The following NRXN3 variants were observed in gnomAD, a reference collection of about 807,000 sequenced individuals.
The protein encoded by NRXN3 is neurexin 3.
In NRXN3, 32 loss-of-function variants were observed where a neutral mutation model predicts 137.6. The observed-to-expected ratio is 0.23, with a 90% CI of 0.18 to 0.31. NRXN3 has a LOEUF of 0.31. NRXN3 is among the 10% of genes least tolerant of loss of function. NRXN3 has a pLI of 1.00. For synonymous variants in NRXN3, 798 were observed against 784.5 expected, an observed-to-expected ratio of 1.02 and a Z score of -0.29; for missense variants, 1,574 against 2,062.5, an observed-to-expected ratio of 0.76 and a Z score of 4.59.
Position 79,438,845 on chromosome 14 carries a change from G to C in NRXN3, c.3263-28376G>C, listed in dbSNP as rs945526183. ...GATAATAAGAGAAAGGTGCCATTGA[G>C]CCTCCAAGTAGAAGCCCGATGACTT... is the stretch of plus-strand genomic sequence containing the variant. On this transcript the variant is annotated intron_variant, in intron 15 of 20. Coordinates refer to ENST00000335750, the MANE Select transcript of NRXN3 (RefSeq NM_001330195.2). 1.1e-4 allele frequency among the ~76,000 whole-genome samples: 16 copies of C among 152,330 alleles called. 3 individuals are homozygous for C. Among genetic ancestry groups the C allele is most frequent in the Admixed American group, 1.0e-3 (16 of 15,304 alleles).
chr14:78,401,201 G>C (rs2092018237), intron 4 of NRXN3, among the ~76,000 whole-genome samples: 1 of 151,962 alleles, frequency 6.6e-6, no homozygotes, highest in Admixed American at 6.6e-5. Context: ...GTCTTTCTCT[G>C]TTGCCCAGGC....
At chr14:79,467,547 T>C (rs2096444940) in intron 16 of NRXN3, 145 bp downstream of exon 16, 3 of 697,696 alleles carry the variant, frequency 4.3e-6, no homozygotes, top group Non-Finnish European at 6.6e-6. Flanking sequence ...AACCATCATA[T>C]TTACAGGGTT....
chr14:79,226,874 G>A (rs2070987052), intron 15 of NRXN3, among the ~76,000 whole-genome samples: 1 of 134,112 alleles, frequency 7.5e-6, no homozygotes, highest in Non-Finnish European at 1.5e-5. Context: ...GGAGTGCAGT[G>A]ACATGATCTC....
intron 16 of NRXN3, among the ~76,000 whole-genome samples, chr14:79,652,520 A>G (rs1352571151): frequency 6.6e-6 from 1 of 152,244 alleles, no homozygotes; most frequent in East Asian, 1.9e-4. Context: ...TTTGGCTGAA[A>G]CTTACTCACT....
At chr14:79,090,082 T>C (rs771936291) in intron 15 of NRXN3, among the ~76,000 whole-genome samples, 5 of 152,192 alleles carry the variant, frequency 3.3e-5, no homozygotes, top group African/African-American at 4.8e-5. Flanking sequence ...GGTATTTATA[T>C]ATCAATTTTA....
intron 15 of NRXN3, among the ~76,000 whole-genome samples, chr14:79,435,455 A>G (rs957066803): frequency 1.3e-5 from 2 of 152,106 alleles, no homozygotes; most frequent in Non-Finnish European, 2.9e-5. Context: ...ACAGAATCTC[A>G]CTGGAAAAGT....
intron 8 of NRXN3, among the ~76,000 whole-genome samples, chr14:78,729,756 A>T (rs2098505755): frequency 6.6e-6 from 1 of 152,158 alleles, no homozygotes; most frequent in Non-Finnish European, 1.5e-5. Context: ...TTCGGCCATA[A>T]ACCTGGACCT....
At chr14:78,408,779 T>C (rs1260879197) in intron 4 of NRXN3, among the ~76,000 whole-genome samples, 1 of 152,256 alleles carries the variant, frequency 6.6e-6, no homozygotes, top group East Asian at 1.9e-4. Flanking sequence ...ACTTCCCCTC[T>C]GCATTGCTGG....
chr14:78,613,143 C>G (rs1420733970), intron 4 of NRXN3, among the ~76,000 whole-genome samples: 1 of 151,692 alleles, frequency 6.6e-6, no homozygotes, highest in Non-Finnish European at 1.5e-5. Flanking sequence ...GTCCCTCTGA[C>G]TCCTTTAACT....
chr14:79,811,511 G>C (rs909784239), intron 20 of NRXN3, among the ~76,000 whole-genome samples: 1 of 151,342 alleles, frequency 6.6e-6, no homozygotes, highest in African/African-American at 2.4e-5. Flanking sequence ...TAATGTTCCA[G>C]ATTAATGATA....
chr14:78,499,392 C>G (rs1307517224), intron 4 of NRXN3, among the ~76,000 whole-genome samples: 1 of 152,150 alleles, frequency 6.6e-6, no homozygotes, highest in Non-Finnish European at 1.5e-5. Context: ...AAAGAACAAT[C>G]TTAATTCAGC....
intron 2 of NRXN3, among the ~76,000 whole-genome samples, chr14:78,263,899 G>A (rs1182021490): frequency 2.0e-5 from 3 of 151,114 alleles, no homozygotes; most frequent in Non-Finnish European, 3.0e-5. Context: ...GTGTGTGTGT[G>A]TGTGTGTGTG....
intron 20 of NRXN3, among the ~76,000 whole-genome samples, chr14:79,819,178 A>G (rs1466749769): frequency 6.6e-6 from 1 of 152,180 alleles, no homozygotes. Flanking sequence ...TGAGCGTCTT[A>G]CAGTCCCTGC....
intron 16 of NRXN3, among the ~76,000 whole-genome samples, chr14:79,518,724 T>A (rs1268334597): frequency 1.3e-5 from 2 of 152,160 alleles, no homozygotes; most frequent in East Asian, 3.8e-4. Flanking sequence ...TAGATAATAA[T>A]CCTATCTAAT....
At position 79,482,449 on chromosome 14, in the gene NRXN3, G is replaced by T. The variant is rs1471554489; in HGVS notation, c.3444+15047G>T. 2.0e-5 allele frequency among the ~76,000 whole-genome samples: 3 copies of T among 152,168 alleles called. No individual in the cohort carries two copies. In the East Asian group the frequency reaches 5.8e-4, roughly 29 times the overall value. On this transcript the variant is annotated intron_variant, in intron 16 of 20. Coordinates refer to ENST00000335750, the MANE Select transcript of NRXN3 (RefSeq NM_001330195.2). ...TCAAAAAAGCACAGAGAGCTCTCTC[G>T]CTATCTGGTTCTATTTCTACCACCC...
At chr14:78,562,435 G>A (rs1475315430) in intron 4 of NRXN3, among the ~76,000 whole-genome samples, 1 of 149,866 alleles carries the variant, frequency 6.7e-6, no homozygotes, top group Non-Finnish European at 1.5e-5. Context: ...CTGAGGCAGT[G>A]AGGCAGCTCT....
chr14:79,160,893 A>G (rs936112791), intron 15 of NRXN3, among the ~76,000 whole-genome samples: 2 of 151,948 alleles, frequency 1.3e-5, no homozygotes, highest in African/African-American at 4.8e-5. Context: ...AACCAGAGAT[A>G]ATTAATTATT....
At chr14:79,315,654 C>A (rs954269844) in intron 15 of NRXN3, among the ~76,000 whole-genome samples, 2 of 152,116 alleles carry the variant, frequency 1.3e-5, no homozygotes, top group Admixed American at 6.5e-5. Context: ...TCAAGCCAGG[C>A]AAAACTTATG....
chr14:78,889,423 G>A (rs563236040), intron 10 of NRXN3, among the ~76,000 whole-genome samples: 1 of 151,868 alleles, frequency 6.6e-6, no homozygotes, highest in Admixed American at 6.6e-5. Context: ...TATTTCCTTT[G>A]CACTTGATTG....
Sources: allele counts gnomAD v4.1 joint callset (sites outside exome capture counted in the v4.1 genomes callset), GRCh38; gene constraint gnomAD v4.1.1; transcripts MANE v1.5; gene names NCBI Gene and HGNC (gene_info 2026-07-23, HGNC 2026-07-21).